Variants in CTNND2 observed in about 807,000 individuals in gnomAD.
CTNND2 encodes the protein catenin delta 2.
Under a neutral mutation model 144.4 loss-of-function variants are expected in CTNND2, and 22 were observed. The observed-to-expected ratio is 0.15, with a 90% CI of 0.11 to 0.22. The LOEUF (loss-of-function observed/expected upper bound fraction) is 0.22, where lower values mean the gene tolerates loss of function less well. Among genes scored for constraint, CTNND2 ranks in the 10% least tolerant of loss-of-function variants. CTNND2 has a pLI of 1.00. For synonymous variants in CTNND2, 751 were observed against 695.6 expected, an observed-to-expected ratio of 1.08 and a Z score of -1.25; for missense variants, 1,353 against 1,618.8, an observed-to-expected ratio of 0.84 and a Z score of 2.82.
At chr5:11,165,487 C>T (rs948128777) in intron 11 of CTNND2, among the ~76,000 whole-genome samples, 9 of 152,162 alleles carry the variant, frequency 5.9e-5, no homozygotes, top group Non-Finnish European at 1.3e-4. Context: ...TTGATGGTCA[C>T]TAGAAAATTT....
intron 15 of CTNND2, among the ~76,000 whole-genome samples, chr5:11,090,797 CT>C (rs893949494): frequency 1.2e-4 from 17 of 139,312 alleles, no homozygotes; most frequent in African/African-American, 5.4e-4. Context: ...TAAGTTCAGC[CT>C]TTTTTTTCTT....
intron 16 of CTNND2, among the ~76,000 whole-genome samples, chr5:11,061,103 G>T (rs1009419812): frequency 6.6e-6 from 1 of 152,014 alleles, no homozygotes; most frequent in Non-Finnish European, 1.5e-5. Context: ...AATCAAAGTT[G>T]TGATCTACCA....
At position 11,236,842 on chromosome 5, in the gene CTNND2, G is replaced by A; in HGVS notation, c.1629-19C>T. 1.9e-6 allele frequency: 3 copies of A among 1,613,870 alleles called. No individual in the cohort carries two copies. The highest frequency in any genetic ancestry group is 2.5e-6 in the Non-Finnish European group (3 of 1,179,840). ...AAATTCTCTGAACAAAAGGAAAGAA[G>A]CGGGGAGAATATGAGAGAGAAATCC... On this transcript the variant is annotated intron_variant, in intron 9 of 21. Transcript: ENST00000304623.
rs1442074668 is a variant in CTNND2 at position 11,126,189 on chromosome 5, TACTTGGGAG to T, written c.2160-8631_2160-8623del. On this transcript the variant is annotated intron_variant, in intron 12 of 21. Transcript: ENST00000304623. ...GGTGGCACATGCCTGCAATCCCAGC[TACTTGGGAG>T]GCTGAGGCAGGAGAATTGCTTGAAC... is the stretch of plus-strand genomic sequence containing the variant. 1.1e-4 allele frequency among the ~76,000 whole-genome samples: 17 copies of T among 152,218 alleles called. No individual in the cohort carries two copies. In the East Asian group the frequency reaches 3.1e-3, roughly 28 times the overall value.
At chr5:11,901,966 G>A (rs1018236442) in intron 1 of CTNND2, among the ~76,000 whole-genome samples, 16 of 152,324 alleles carry the variant, frequency 1.1e-4, no homozygotes, top group Admixed American at 7.8e-4. Context: ...GCATAACGGT[G>A]TGTTCAAAGT....
intron 2 of CTNND2, among the ~76,000 whole-genome samples, chr5:11,691,826 G>A (rs1053121472): frequency 1.8e-4 from 27 of 152,196 alleles, no homozygotes; most frequent in Admixed American, 1.6e-3. Context: ...AGGAGTTACA[G>A]GCTGCAGTAA....
chr5:11,180,853 G>A (rs1422500564), intron 11 of CTNND2, among the ~76,000 whole-genome samples: 1 of 152,222 alleles, frequency 6.6e-6, no homozygotes, highest in Non-Finnish European at 1.5e-5. Context: ...CATGTAGCAG[G>A]GATGCTGGCT....
chr5:11,502,623 C>G (rs1421329570), intron 3 of CTNND2, among the ~76,000 whole-genome samples: 1 of 152,198 alleles, frequency 6.6e-6, no homozygotes, highest in Non-Finnish European at 1.5e-5. Flanking sequence ...AAAATAACTT[C>G]CTGTGATTTT....
chr5:11,228,187 C>T (rs1228089306), intron 10 of CTNND2, among the ~76,000 whole-genome samples: 1 of 151,528 alleles, frequency 6.6e-6, no homozygotes, highest in Non-Finnish European at 1.5e-5. Flanking sequence ...ACTAAAAATA[C>T]AAAAATTTTT....
intron 13 of CTNND2, 59 bp downstream of exon 13, chr5:11,117,391 T>C (rs1025729612): frequency 5.3e-6 from 7 of 1,316,440 alleles, no homozygotes; most frequent in Admixed American, 5.0e-5. Flanking sequence ...TTAGCTATTG[T>C]TGAGTCCCGT....
intron 1 of CTNND2, among the ~76,000 whole-genome samples, chr5:11,776,293 G>C (rs374672692): frequency 5.9e-5 from 9 of 152,182 alleles, no homozygotes; most frequent in African/African-American, 2.2e-4. Context: ...TCATCAGCCA[G>C]TGAGTGAGAC....
intron 2 of CTNND2, among the ~76,000 whole-genome samples, chr5:11,663,615 A>G (rs574043855): frequency 1.3e-5 from 2 of 152,286 alleles, no homozygotes; most frequent in South Asian, 4.1e-4. Context: ...CAAATACTCT[A>G]TTCCACAGCA....
intron 9 of CTNND2, among the ~76,000 whole-genome samples, chr5:11,260,199 T>C (rs1476398098): frequency 6.6e-6 from 1 of 152,086 alleles, no homozygotes; most frequent in Non-Finnish European, 1.5e-5. Flanking sequence ...GGCAGGCAAA[T>C]ATATTTTAAA....
intron 2 of CTNND2, among the ~76,000 whole-genome samples, chr5:11,655,934 C>T (rs1782890943): frequency 6.6e-6 from 1 of 151,892 alleles, no homozygotes; most frequent in Non-Finnish European, 1.5e-5. Flanking sequence ...CGTACTGAGT[C>T]AGCGATCTTT....
chr5:11,904,021 G>A lies in CTNND2; in HGVS notation c.-168C>T. 2.9e-6 allele frequency: 2 copies of A among 683,972 alleles called. No individual in the cohort carries two copies. The highest frequency in any genetic ancestry group is 4.0e-6 in the Non-Finnish European group (2 of 504,648). The allele number at this position is 683,972 out of a possible 1,614,324, so 42.4% of individuals were successfully genotyped here. A position where few individuals can be genotyped will look rare whatever the true frequency, so the allele number is the denominator to read the frequency against. On this transcript the variant is annotated 5_prime_UTR_variant, in exon 1 of 22. Transcript: ENST00000304623. The surrounding 1 kb of genome is among the most constrained non-coding windows in gnomAD (Gnocchi z 4.2). ...GGCGGGCGGCAGGGGCGAGCGCCGC[G>A]GGCGAGAGGCGGCTCCCGACGCGAG...
chr5:11,757,243 CT>C (rs1165920085), intron 1 of CTNND2, among the ~76,000 whole-genome samples: 2 of 151,248 alleles, frequency 1.3e-5, no homozygotes, highest in East Asian at 2.0e-4. Flanking sequence ...TGTTCTGTAA[CT>C]TTTTTTCCAA....
chr5:11,234,156 C>T (rs1038824574), intron 10 of CTNND2, among the ~76,000 whole-genome samples: 2 of 152,106 alleles, frequency 1.3e-5, no homozygotes, highest in Non-Finnish European at 2.9e-5. Flanking sequence ...CAGAAGCACA[C>T]ATATGTACAC....
At chr5:11,524,941 T>C (rs751517628) in intron 3 of CTNND2, among the ~76,000 whole-genome samples, 3 of 152,216 alleles carry the variant, frequency 2.0e-5, no homozygotes, top group Non-Finnish European at 4.4e-5. Context: ...CATTGATCCA[T>C]AGCTTACTCA....
At chr5:11,542,887 C>A (rs1438440358) in intron 3 of CTNND2, among the ~76,000 whole-genome samples, 2 of 152,216 alleles carry the variant, frequency 1.3e-5, no homozygotes, top group Non-Finnish European at 2.9e-5. Flanking sequence ...ATGGGGAGTG[C>A]ACAGGATGTC....
Sources: gnomAD v4.1 joint callset for allele counts (sites outside exome capture counted in the v4.1 genomes callset) on GRCh38, gnomAD v4.1.1 for gene constraint, Gnocchi (gnomAD v3.1) non-coding constraint, MANE v1.5 for transcripts, NCBI Gene and HGNC (gene_info 2026-07-23, HGNC 2026-07-21) for gene names.